Variants in TMTC1 observed in about 807,000 individuals in gnomAD.
The protein encoded by TMTC1 is transmembrane O-mannosyltransferase targeting cadherins 1, also known as protein O-mannosyl-transferase TMTC1.
A neutral mutation model predicts 104.8 loss-of-function variants in TMTC1; 73 were observed. The ratio of observed to expected loss-of-function variants is 0.70; its 90% CI spans 0.58 to 0.85. TMTC1 has a LOEUF of 0.85. TMTC1 is among the 40% of genes least tolerant of loss of function. The probability of loss-of-function intolerance (pLI) is 0.00; values close to 1 mark genes in which losing one functional copy is unlikely to be tolerated. For synonymous variants in TMTC1, 434 were observed against 428.7 expected (o/e 1.01, Z -0.15); for missense variants, 1,035 against 1,096.1 (o/e 0.94, Z 0.79).
intron 5 of TMTC1, among the ~76,000 whole-genome samples, chr12:29,715,921 C>A (rs1942062967): frequency 6.6e-6 from 1 of 151,914 alleles, no homozygotes; most frequent in South Asian, 2.1e-4. Flanking sequence ...GTCCTTCCCA[C>A]AACATGTGGG....
intron 11 of TMTC1, chr12:29,533,033 C>T (rs1423158839): frequency 6.6e-6 from 1 of 152,180 alleles, no homozygotes; most frequent in East Asian, 1.9e-4. Flanking sequence ...CAACTACTCA[C>T]ACCAGAATGC....
chr12:29,736,158 C>T (rs527615028), intron 5 of TMTC1, among the ~76,000 whole-genome samples: 30 of 151,108 alleles, frequency 2.0e-4, no homozygotes, highest in African/African-American at 7.0e-4. Context: ...ACAGAAAGCC[C>T]AGGGCAGGCA....
intron 5 of TMTC1, chr12:29,658,774 T>A (rs1469229153): frequency 1.1e-5 from 2 of 178,530 alleles, no homozygotes; most frequent in African/African-American, 4.7e-5. Context: ...GGGGTGCCTC[T>A]CCTCTTTTTC....
chr12:29,566,121 G>A (rs1404024991), intron 9 of TMTC1, among the ~76,000 whole-genome samples: 1 of 152,078 alleles, frequency 6.6e-6, no homozygotes, highest in Non-Finnish European at 1.5e-5. Flanking sequence ...CAGTGGGGTG[G>A]CCCAGGGAGG....
chr12:29,622,100 G>C (rs1439890496), intron 6 of TMTC1, among the ~76,000 whole-genome samples: 1 of 152,140 alleles, frequency 6.6e-6, no homozygotes, highest in Non-Finnish European at 1.5e-5. Context: ...GGGAGAGACA[G>C]GACTTCCACT....
chr12:29,634,292 C>A (rs868414042), intron 5 of TMTC1, among the ~76,000 whole-genome samples: 1 of 152,120 alleles, frequency 6.6e-6, no homozygotes, highest in Non-Finnish European at 1.5e-5. Flanking sequence ...CTCAAGGACC[C>A]GAGAGCCATT....
At chr12:29,670,934 C>CAAAAAAAAAAAAA (rs374719241) in intron 5 of TMTC1, among the ~76,000 whole-genome samples, 17 of 68,584 alleles carry the variant, frequency 2.5e-4, no homozygotes, top group African/African-American at 4.2e-4. Flanking sequence ...GACTCTGTCT[C>CAAAAAAAAAAAAA]AAAAAAAAAG....
At chr12:29,638,778 C>G (rs1220729198) in intron 5 of TMTC1, among the ~76,000 whole-genome samples, 2 of 152,160 alleles carry the variant, frequency 1.3e-5, no homozygotes, top group African/African-American at 2.4e-5. Flanking sequence ...GCCACTCCCC[C>G]ATCACACACC....
intron 1 of TMTC1, among the ~76,000 whole-genome samples, chr12:29,777,126 C>T (rs555655717): frequency 6.6e-5 from 10 of 151,878 alleles, no homozygotes; most frequent in African/African-American, 1.5e-4. Flanking sequence ...AACAGAGTCT[C>T]GCTCTGTTGC....
rs781180750 is a variant in TMTC1, at chr12:29,506,856, T to A, written c.2639A>T (p.Asp880Val). The part of the protein sequence containing the change: ...EKRLQEVREK[D>V]QT ...GGTCAGACGGTGGTGCTATGTTTGA[T>A]CCTTTTCTCGAACTTCTTGTAATCG... Residue 880 changes from aspartate to valine, a missense_variant, in exon 18 of 18, where the codon GAT becomes GTT. By Grantham distance (152) the Asp-to-Val change is radical (BLOSUM62 -3). Transcript: ENST00000539277. 79 of 1,614,106 alleles carry A rather than the reference T, an allele frequency of 4.9e-5. 1 individual carries two copies. The highest frequency in any genetic ancestry group is 6.5e-5 in the Non-Finnish European group (77 of 1,179,962).
chr12:29,683,720 T>C (rs908027851), intron 5 of TMTC1, among the ~76,000 whole-genome samples: 1 of 152,218 alleles, frequency 6.6e-6, no homozygotes, highest in Admixed American at 6.5e-5. Flanking sequence ...AAAAAGAATG[T>C]AGCATACCTG....
At chr12:29,643,621 CT>C (rs1319200691) in intron 5 of TMTC1, among the ~76,000 whole-genome samples, 2 of 10,222 alleles carry the variant, frequency 2.0e-4, no homozygotes, top group Non-Finnish European at 3.2e-4. Flanking sequence ...TAATATATAT[CT>C]ATATATTATA....
chr12:29,546,198 G>A (rs1944938002), intron 10 of TMTC1, among the ~76,000 whole-genome samples: 1 of 152,200 alleles, frequency 6.6e-6, no homozygotes, highest in South Asian at 2.1e-4. Context: ...GCTTGTCCTA[G>A]ACAACTGGTG....
chr12:29,744,218 A>G (rs1380815080), intron 5 of TMTC1, among the ~76,000 whole-genome samples: 1 of 152,182 alleles, frequency 6.6e-6, no homozygotes, highest in Non-Finnish European at 1.5e-5. Flanking sequence ...CAGGGGATCA[A>G]ATATTGCCAA....
chr12:29,698,400 C>A (rs1312917043), intron 5 of TMTC1, among the ~76,000 whole-genome samples: 1 of 152,034 alleles, frequency 6.6e-6, no homozygotes, highest in Non-Finnish European at 1.5e-5. Flanking sequence ...ATTTTGTACG[C>A]CATTTTCTCC....
intron 15 of TMTC1, among the ~76,000 whole-genome samples, chr12:29,515,952 A>G (rs751555186): frequency 6.6e-6 from 1 of 151,352 alleles, no homozygotes; most frequent in Non-Finnish European, 1.5e-5. Flanking sequence ...TAATCTTCCT[A>G]TATATTCCTC....
intron 4 of TMTC1, 57 bp downstream of exon 4, chr12:29,755,652 G>T: frequency 8.1e-7 from 1 of 1,239,810 alleles, no homozygotes; most frequent in South Asian, 1.5e-5. Context: ...AAACTATTAA[G>T]TAATTTTTCT....
chr12:29,654,116 C>T (rs1048971323), intron 5 of TMTC1, among the ~76,000 whole-genome samples: 4 of 152,002 alleles, frequency 2.6e-5, no homozygotes, highest in African/African-American at 9.7e-5. Flanking sequence ...AAAAAACTTA[C>T]ATGCTTCAAA....
chr12:29,527,093 G>A (rs1944369544), intron 11 of TMTC1, among the ~76,000 whole-genome samples: 1 of 152,104 alleles, frequency 6.6e-6, no homozygotes, highest in South Asian at 2.1e-4. Flanking sequence ...TTGATTTAAG[G>A]AAAGAAGCCT....
Sources: allele counts gnomAD v4.1 joint callset (sites outside exome capture counted in the v4.1 genomes callset), GRCh38; gene constraint gnomAD v4.1.1; transcripts MANE v1.5; gene names NCBI Gene and HGNC (gene_info 2026-07-23, HGNC 2026-07-21).